Variants in CAMK2B observed in about 807,000 individuals in gnomAD.
The protein encoded by CAMK2B is calcium/calmodulin dependent protein kinase II beta, also known as calcium/calmodulin-dependent protein kinase type II subunit beta.
A neutral mutation model predicts 93.7 loss-of-function variants in CAMK2B; 27 were observed. That is an observed-to-expected ratio of 0.29 (90% CI 0.21 to 0.40). The LOEUF is 0.40. Among genes scored for constraint, CAMK2B ranks in the 10% least tolerant of loss-of-function variants. The probability of loss-of-function intolerance (pLI) is 1.00; values close to 1 mark genes in which losing one functional copy is unlikely to be tolerated. For synonymous variants in CAMK2B, 374 were observed against 358.8 expected, an observed-to-expected ratio of 1.04 and a Z score of -0.48; for missense variants, 568 against 895.8, an observed-to-expected ratio of 0.63 and a Z score of 4.67.
intron 1 of CAMK2B, among the ~76,000 whole-genome samples, chr7:44,292,036 C>T (rs765694336): frequency 2.0e-5 from 3 of 152,204 alleles, no homozygotes; most frequent in Non-Finnish European, 2.9e-5. Context: ...GTTTAAACAA[C>T]AGATATTTAT....
chr7:44,325,578 G>T lies in CAMK2B; in HGVS notation c.-157C>A, dbSNP rs1162386874. On this transcript the variant is annotated 5_prime_UTR_variant, in exon 1 of 24. Transcript: ENST00000395749. ...GCCGGGCTGGGCTGCGCCGGGCGGC[G>T]AGCGCACGCGAGATCTGCTCGCTCC... 1.5e-5 allele frequency: 3 copies of T among 201,336 alleles called. No homozygotes were observed. Among genetic ancestry groups the T allele is most frequent in the South Asian group, 3.2e-4 (2 of 6,322 alleles). The allele number at this position is 201,336 out of a possible 1,614,324, so 12.5% of individuals were successfully genotyped here.
intron 2 of CAMK2B, chr7:44,263,997 T>C (rs78387525): frequency 0.019 from 2,901 of 154,794 alleles, 75 homozygotes; most frequent in African/African-American, 0.066. Context: ...CACAGCCGCA[T>C]GTGGGGAGCT....
At chr7:44,256,708 G>A (rs4526269) in intron 4 of CAMK2B, among the ~76,000 whole-genome samples, 3 of 152,114 alleles carry the variant, frequency 2.0e-5, no homozygotes, top group Admixed American at 6.5e-5. Flanking sequence ...AAGGCCTTAC[G>A]GTCTTGAGCC....
rs370494398 is a variant in CAMK2B at position 44,229,509 on chromosome 7, G to A, written c.1226-8C>T. Reference sequence around the variant, plus strand: ...TGTCGGGGACCCTGGGGGCTGAGGCGGAACAGGTGAGGCAGGCAGGTGGGT... The same window carrying A: ...TGTCGGGGACCCTGGGGGCTGAGGCAGAACAGGTGAGGCAGGCAGGTGGGT... On this transcript the variant is annotated splice_region_variant and splice_polypyrimidine_tract_variant and intron_variant, in intron 17 of 23. Transcript: ENST00000395749. 73 of 1,385,674 alleles carry A rather than the reference G, an allele frequency of 5.3e-5. 2 individuals carry two copies. In the South Asian group the frequency reaches 7.1e-4, roughly 13 times the overall value. 85.8% of individuals were successfully genotyped at this position (1,385,674 alleles called of 1,614,324 possible).
chr7:44,295,845 C>A (rs1584727828), intron 1 of CAMK2B, among the ~76,000 whole-genome samples: 2 of 152,196 alleles, frequency 1.3e-5, no homozygotes, highest in African/African-American at 2.4e-5. Flanking sequence ...CCCCCTCCAG[C>A]CATCCTGTAT....
Position 44,301,204 on chromosome 7 carries a change from C to T in CAMK2B, c.66-16979G>A, listed in dbSNP as rs181197453. ...GTGCAGTGACACAATCATAGCCCACCGCAGCCTTGAACTCCTAGGCTCAAA... is the reference window on the plus strand; with the variant it reads ...GTGCAGTGACACAATCATAGCCCACTGCAGCCTTGAACTCCTAGGCTCAAA... On this transcript the variant is annotated intron_variant, in intron 1 of 23. Transcript: ENST00000395749. 2.6e-3 allele frequency among the ~76,000 whole-genome samples: 401 copies of T among 152,252 alleles called. 6 individuals are homozygous for T. Among genetic ancestry groups the T allele is most frequent in the Admixed American group, 0.024 (372 of 15,292 alleles).
chr7:44,250,928 T>A (rs940303223), intron 5 of CAMK2B, among the ~76,000 whole-genome samples: 1 of 152,240 alleles, frequency 6.6e-6, no homozygotes, highest in African/African-American at 2.4e-5. Flanking sequence ...AGTTTCCCCA[T>A]CAACTCCAAA....
chr7:44,241,728 T>C lies in CAMK2B; in HGVS notation c.875A>G (p.Lys292Arg). Residue 292 changes from lysine (K) to arginine (R), a missense_variant, in exon 11 of 24, where the codon AAA (lysine) becomes AGA (arginine). Lys to Arg is a conservative substitution (Grantham distance 26). This residue lies in a region of CAMK2B where 105 missense variants were observed against 372.4 expected (regional missense o/e 0.28). Transcript: ENST00000395749. ...GAGCTTTCTCCTGGCATTGAACTTT[T>C]TCAGACACTCCACAGTCTCCTGTCT... ...MHRQETVECL[K>R]KFNARRKLKG... The C allele has an allele frequency of 1.2e-6, 2 of 1,613,904 alleles. No individual in the cohort carries two copies. The highest frequency in any genetic ancestry group is 1.7e-6 in the Non-Finnish European group (2 of 1,179,862).
At chr7:44,258,560 C>T (rs1247274782) in intron 4 of CAMK2B, among the ~76,000 whole-genome samples, 1 of 152,250 alleles carries the variant, frequency 6.6e-6, no homozygotes, top group Non-Finnish European at 1.5e-5. Flanking sequence ...CAGCTGCTGA[C>T]TGACTATTCC....
intron 6 of CAMK2B, among the ~76,000 whole-genome samples, chr7:44,245,713 G>A (rs538131255): frequency 2.6e-5 from 4 of 152,236 alleles, no homozygotes; most frequent in Admixed American, 6.5e-5. Flanking sequence ...GTACGGTGGC[G>A]TGTAAAGGGT....
intron 6 of CAMK2B, among the ~76,000 whole-genome samples, chr7:44,246,442 GACAC>G (rs142889973): frequency 7.3e-5 from 11 of 151,164 alleles, no homozygotes; most frequent in Admixed American, 2.0e-4. Flanking sequence ...TGCCCACACA[GACAC>G]ACACACACAT....
At position 44,286,346 on chromosome 7, in the gene CAMK2B, C is replaced by T. The variant is rs1040126389; in HGVS notation, c.66-2121G>A. On this transcript the variant is annotated intron_variant, in intron 1 of 23. Coordinates refer to ENST00000395749, the MANE Select transcript of CAMK2B (RefSeq NM_001220.5). This position sits in a 1 kb window ranked among gnomAD's most constrained non-coding sequence, Gnocchi z 4.0. ...CCTGAAGGGAGCAGGGAGTCTGGGC[C>T]TCCGTGCGCCAGAACGCAACCACAC... Among the ~76,000 whole-genome samples the T allele has an allele frequency of 6.6e-6, 1 of 152,130 alleles. No individual in the cohort carries two copies. Among genetic ancestry groups the T allele is most frequent in the African/African-American group, 2.4e-5 (1 of 41,418 alleles).
intron 5 of CAMK2B, among the ~76,000 whole-genome samples, chr7:44,247,412 T>C (rs561038074): frequency 1.1e-4 from 17 of 152,286 alleles, no homozygotes; most frequent in Admixed American, 7.8e-4. Context: ...TCTGGGCCCA[T>C]ATCTGTTCAG....
At chr7:44,283,821 A>G (rs958364118) in intron 2 of CAMK2B, among the ~76,000 whole-genome samples, 1 of 152,194 alleles carries the variant, frequency 6.6e-6, no homozygotes, top group Non-Finnish European at 1.5e-5. Context: ...GGGGAGGTGA[A>G]AGTGGGCCCT....
At chr7:44,304,559 A>G (rs971849512) in intron 1 of CAMK2B, among the ~76,000 whole-genome samples, 1 of 152,236 alleles carries the variant, frequency 6.6e-6, no homozygotes, top group Non-Finnish European at 1.5e-5. Flanking sequence ...AAAAGGCAGA[A>G]GAGAGTCAAA....
intron 5 of CAMK2B, among the ~76,000 whole-genome samples, chr7:44,247,891 G>A (rs1411325784): frequency 6.6e-6 from 1 of 152,172 alleles, no homozygotes; most frequent in East Asian, 1.9e-4. Flanking sequence ...AGCTGGGTGT[G>A]GTGGTGGGCG....
In CAMK2B at chr7:44,228,893, C is replaced by T. The variant is rs1478151018; in HGVS notation, c.1371G>A (p.Val457=). 6 of 1,602,620 alleles carry T rather than the reference C, an allele frequency of 3.7e-6. No individual in the cohort carries two copies. The highest frequency in any genetic ancestry group is 5.1e-6 in the Non-Finnish European group (6 of 1,173,600). ...SPRISDILNS[V]RRGSGTPEAE... The stretch of plus-strand genomic sequence containing the variant: ...CTTCTGGGGTTCCTGAACCCCTTCT[C>T]ACAGAGTTCAGGATGTCAGAGATCC... The change falls in exon 19 of 24, where the codon GTG becomes GTA. Residue 457 remains valine, a synonymous_variant. Transcript: ENST00000395749.
Position 44,226,662 on chromosome 7 carries a change from A to G in CAMK2B, c.1469-18T>C. Reference sequence around the variant, plus strand: ...CCTGGGGGCTGGGGCGGAACAGACGAGACGTGAACACAAGGCAGGCACGGG... The same window carrying G: ...CCTGGGGGCTGGGGCGGAACAGACGGGACGTGAACACAAGGCAGGCACGGG... On this transcript the variant is annotated intron_variant, in intron 19 of 23. Transcript: ENST00000395749. The G allele has an allele frequency of 3.3e-6, 5 of 1,525,148 alleles. No homozygotes were observed. The South Asian group carries it at 6.5e-5, about 20-fold the overall frequency. The allele number at this position is 1,525,148 out of a possible 1,614,324, so 94.5% of individuals were successfully genotyped here.
chr7:44,240,426 T>C (rs2096667110), intron 12 of CAMK2B, among the ~76,000 whole-genome samples: 3 of 152,014 alleles, frequency 2.0e-5, no homozygotes, highest in South Asian at 4.2e-4. Flanking sequence ...CACACGATGC[T>C]GTGAGCCCCA....
Sources: allele counts gnomAD v4.1 joint callset (sites outside exome capture counted in the v4.1 genomes callset), GRCh38; gene constraint gnomAD v4.1.1; regional missense constraint gnomAD v4.1.1; non-coding constraint Gnocchi (gnomAD v3.1); transcripts MANE v1.5; gene names NCBI Gene and HGNC (gene_info 2026-07-23, HGNC 2026-07-21).